Variants in ROCK2 observed in about 807,000 individuals in gnomAD.
ROCK2 encodes the protein Rho associated coiled-coil containing protein kinase 2.
In ROCK2, 61 loss-of-function variants were observed where a neutral mutation model predicts 195.1. The observed-to-expected ratio is 0.31, with a 90% CI of 0.25 to 0.39. ROCK2 has a LOEUF of 0.39. ROCK2 is among the 10% of genes least tolerant of loss of function. The pLI is 1.00. For synonymous variants in ROCK2, 504 were observed against 545.5 expected (o/e 0.92, Z 1.06); for missense variants, 1,109 against 1,637.4 (o/e 0.68, Z 5.57).
chr2:11,195,203 A>G (rs1663582889), intron 27 of ROCK2, 178 bp from the exon 28 acceptor site: 1 of 369,892 alleles, frequency 2.7e-6, no homozygotes, highest in African/African-American at 2.1e-5. Flanking sequence ...AAGTTATGCA[A>G]TGCAAAACAA....
In ROCK2 at chr2:11,211,745, T is replaced by C. The variant is rs931468299; in HGVS notation, c.2139A>G (p.Ala713=). The change falls in exon 18 of 33, where the codon GCA becomes GCG. Residue 713 remains alanine (A), a synonymous_variant. Coordinates refer to ENST00000315872, the MANE Select transcript of ROCK2 (RefSeq NM_004850.5). ...QEEAEHKATK[A]RLADKNKIYE... ...AGATCTTATTTTTATCTGCTAGTCG[T>C]GCCTTTGTGGCCTTATGTTCAGCTT... is the stretch of plus-strand genomic sequence containing the variant. The C allele has an allele frequency of 2.5e-6, 4 of 1,613,834 alleles. No individual in the cohort carries two copies. The African/African-American group carries it at 5.3e-5, about 22-fold the overall frequency.
rs1167146496 is a variant in ROCK2, at chr2:11,215,626, A to G, written c.1481T>C (p.Val494Ala). 5 of 1,607,422 alleles carry G rather than the reference A, an allele frequency of 3.1e-6. No individual in the cohort carries two copies. The highest frequency in any genetic ancestry group is 3.4e-6 in the Non-Finnish European group (4 of 1,178,124). Reference sequence around the variant, plus strand: ...TTCTAACTGTCTTAATGCTGATTCCACACTTTTCCGTAAGGTAATCTGAAA... The same window carrying G: ...TTCTAACTGTCTTAATGCTGATTCCGCACTTTTCCGTAAGGTAATCTGAAA... ...LEEEITLRKS[V>A]ESALRQLERE... The change falls in exon 14 of 33, where the codon GTG becomes GCG. Residue 494 changes from valine (V) to alanine (A), a missense_variant. By Grantham distance (64) the Val-to-Ala change is moderately conservative (BLOSUM62 0). This residue lies in a region of ROCK2 where 542 missense variants were observed against 672.0 expected (regional missense o/e 0.81). Coordinates refer to ENST00000315872, the MANE Select transcript of ROCK2 (RefSeq NM_004850.5).
chr2:11,184,709 A>C (rs1663127357), intron 32 of ROCK2: 1 of 981,794 alleles, frequency 1.0e-6, no homozygotes, highest in South Asian at 4.7e-5. Flanking sequence ...CATCATCATC[A>C]CCACCACCAT....
At chr2:11,254,266 A>C (rs1665938775) in intron 3 of ROCK2, among the ~76,000 whole-genome samples, 1 of 152,214 alleles carries the variant, frequency 6.6e-6, no homozygotes, top group Non-Finnish European at 1.5e-5. Context: ...GAGAGAAGAG[A>C]AACTCACCAA....
At chr2:11,280,399 G>A (rs1022233011) in intron 3 of ROCK2, among the ~76,000 whole-genome samples, 1 of 151,684 alleles carries the variant, frequency 6.6e-6, no homozygotes, top group Non-Finnish European at 1.5e-5. Context: ...CGAGGCGGGC[G>A]GATCACCTGA....
intron 1 of ROCK2, among the ~76,000 whole-genome samples, chr2:11,288,930 G>A (rs944841119): frequency 6.6e-6 from 1 of 152,010 alleles, no homozygotes; most frequent in Admixed American, 6.6e-5. Context: ...TCTTTAGAAA[G>A]GTAATTAATC....
intron 1 of ROCK2, among the ~76,000 whole-genome samples, chr2:11,328,846 T>G (rs1668627497): frequency 6.9e-6 from 1 of 145,740 alleles, no homozygotes; most frequent in Admixed American, 7.0e-5. Context: ...ATGTTCTCAC[T>G]CATAGATGGG....
At chr2:11,306,176 G>C (rs961960847) in intron 1 of ROCK2, among the ~76,000 whole-genome samples, 2 of 152,120 alleles carry the variant, frequency 1.3e-5, no homozygotes, top group Admixed American at 1.3e-4. Flanking sequence ...TATGCAGTAA[G>C]TTTATAAAAT....
chr2:11,317,613 T>TATATATATATATATTTA (rs1553317465), intron 1 of ROCK2, among the ~76,000 whole-genome samples: 1 of 20,306 alleles, frequency 4.9e-5, no homozygotes, highest in African/African-American at 2.0e-4. Context: ...TATATATATA[T>TATATATATATATATTTA]TTTTTTTTTT....
chr2:11,227,185 T>C, intron 6 of ROCK2, 69 bp downstream of exon 6: 1 of 1,415,166 alleles, frequency 7.1e-7, no homozygotes. Context: ...CCTTATATTC[T>C]CAAATTCTTG....
chr2:11,244,573 C>G (rs1055164333), intron 4 of ROCK2, among the ~76,000 whole-genome samples: 2 of 151,938 alleles, frequency 1.3e-5, no homozygotes, highest in East Asian at 3.9e-4. Context: ...CGAGACCAGC[C>G]TGGGCAACAT....
intron 5 of ROCK2, among the ~76,000 whole-genome samples, chr2:11,232,868 C>T (rs1441133744): frequency 2.0e-5 from 3 of 152,086 alleles, no homozygotes; most frequent in Admixed American, 6.5e-5. Flanking sequence ...ATTCACAAAA[C>T]AGAAATGACT....
chr2:11,189,184 C>T (rs984997468), intron 32 of ROCK2, among the ~76,000 whole-genome samples: 2 of 152,142 alleles, frequency 1.3e-5, no homozygotes, highest in Non-Finnish European at 2.9e-5. Context: ...CAAAGCCAAA[C>T]TTTGTTTTAA....
chr2:11,237,916 TA>T (rs1665269994), intron 4 of ROCK2, among the ~76,000 whole-genome samples: 1 of 152,000 alleles, frequency 6.6e-6, no homozygotes, highest in Admixed American at 6.6e-5. Flanking sequence ...CCATCTCTAC[TA>T]AAATTACAAA....
chr2:11,339,897 TATTAACTTGTGTGGTG>T (rs1343730167), intron 1 of ROCK2, among the ~76,000 whole-genome samples: 3 of 152,212 alleles, frequency 2.0e-5, no homozygotes, highest in Admixed American at 6.5e-5. Flanking sequence ...GTGTTCCACT[TATTAACTTGTGTGGTG>T]ATTTCATGAA....
intron 1 of ROCK2, among the ~76,000 whole-genome samples, chr2:11,294,501 T>C (rs1667454168): frequency 6.6e-6 from 1 of 152,220 alleles, no homozygotes; most frequent in African/African-American, 2.4e-5. Flanking sequence ...TATTTTTTAG[T>C]TGAAATTTGG....
In ROCK2 at chr2:11,234,041, G is replaced by A. The variant is rs200404343; in HGVS notation, c.723+1661C>T. ...AATTAGAATGATACAGACAAGATTAGCATGGCCGCTGCACAAGCATAACAT... is the reference window on the plus strand; with the variant it reads ...AATTAGAATGATACAGACAAGATTAACATGGCCGCTGCACAAGCATAACAT... On this transcript the variant is annotated intron_variant, in intron 5 of 32. Transcript: ENST00000315872. 2.0e-5 allele frequency: 3 copies of A among 152,250 alleles called. No homozygotes were observed. In the East Asian group the frequency reaches 5.8e-4, roughly 29 times the overall value. 9.4% of individuals were successfully genotyped at this position (152,250 alleles called of 1,614,324 possible).
At chr2:11,308,267 CAAG>C (rs1667925372) in intron 1 of ROCK2, 7 of 1,177,354 alleles carry the variant, frequency 5.9e-6, no homozygotes, top group East Asian at 2.3e-5. Flanking sequence ...CACACAGTCT[CAAG>C]AAGAATTTAA....
intron 1 of ROCK2, among the ~76,000 whole-genome samples, chr2:11,333,902 A>T (rs563005262): frequency 1.1e-4 from 17 of 152,300 alleles, no homozygotes; most frequent in African/African-American, 4.1e-4. Flanking sequence ...TAAATAATAA[A>T]AAGCTGTTCA....
Sources: allele counts gnomAD v4.1 joint callset (sites outside exome capture counted in the v4.1 genomes callset), GRCh38; gene constraint gnomAD v4.1.1; regional missense constraint gnomAD v4.1.1; transcripts MANE v1.5; gene names NCBI Gene and HGNC (gene_info 2026-07-23, HGNC 2026-07-21).